The following XKR4 variants were observed in gnomAD, a reference collection of about 807,000 sequenced individuals.
XKR4 encodes XK related 4.
XKR4 carries 12 observed loss-of-function variants against 53.9 expected under a neutral mutation model. That is an observed-to-expected ratio of 0.22 (90% confidence interval 0.14 to 0.36). The LOEUF is 0.36. XKR4 is among the 10% of genes least tolerant of loss of function. XKR4 has a pLI of 1.00. For synonymous variants in XKR4, 354 were observed against 362.4 expected, an observed-to-expected ratio of 0.98 and a Z score of 0.26; for missense variants, 799 against 859.5, an observed-to-expected ratio of 0.93 and a Z score of 0.88.
At chr8:55,370,308 G>A (rs1166731633) in intron 2 of XKR4, among the ~76,000 whole-genome samples, 1 of 152,172 alleles carries the variant, frequency 6.6e-6, no homozygotes, top group Non-Finnish European at 1.5e-5. Context: ...TGAGAATGGG[G>A]CAAATCCGTT....
intron 2 of XKR4, among the ~76,000 whole-genome samples, chr8:55,411,872 G>A (rs936597417): frequency 1.3e-5 from 2 of 152,168 alleles, no homozygotes; most frequent in African/African-American, 2.4e-5. Context: ...GGACAGTGAC[G>A]AGAAATCCTG....
intron 1 of XKR4, among the ~76,000 whole-genome samples, chr8:55,206,303 G>A (rs753485737): frequency 6.6e-6 from 1 of 152,104 alleles, no homozygotes; most frequent in Non-Finnish European, 1.5e-5. Context: ...TGATTGGTCC[G>A]TTTTTACAGA....
intron 2 of XKR4, among the ~76,000 whole-genome samples, chr8:55,382,024 T>C (rs1359470797): frequency 2.0e-5 from 3 of 152,196 alleles, no homozygotes. Flanking sequence ...CTAAAGCTTC[T>C]CCCAAAAAAT....
At chr8:55,445,620 TAA>T (rs925983677) in intron 2 of XKR4, among the ~76,000 whole-genome samples, 2 of 151,754 alleles carry the variant, frequency 1.3e-5, no homozygotes, top group Non-Finnish European at 2.9e-5. Context: ...CATGAACAGA[TAA>T]AAGTGGTTTC....
intron 1 of XKR4, among the ~76,000 whole-genome samples, chr8:55,160,667 ATTG>A (rs1336499924): frequency 2.6e-5 from 4 of 152,126 alleles, no homozygotes; most frequent in African/African-American, 7.2e-5. Context: ...TTTCATTTTC[ATTG>A]TTGTTATATT....
At position 55,455,065 on chromosome 8, in the gene XKR4, G is replaced by T. The variant is rs1378681277; in HGVS notation, c.1007-68216G>T. The stretch of plus-strand genomic sequence containing the variant: ...TCTCCGGGAAGAACTGCAGAATCTG[G>T]CCCTGGCCTTTCCCACTCCCGCGCG... On this transcript the variant is annotated intron_variant, in intron 2 of 2. Transcript: ENST00000327381. The T allele has an allele frequency of 7.0e-6, 5 of 715,274 alleles. No individual in the cohort carries two copies. The East Asian group carries it at 1.3e-4, about 18-fold the overall frequency. The allele number at this position is 715,274 out of a possible 1,614,324, so 44.3% of individuals were successfully genotyped here.
chr8:55,138,534 T>C (rs1816661152), intron 1 of XKR4, among the ~76,000 whole-genome samples: 1 of 152,254 alleles, frequency 6.6e-6, no homozygotes, highest in East Asian at 1.9e-4. Context: ...CAGTGGTTGC[T>C]AAAGAGCACT....
rs1807074413 is a variant in XKR4 at position 55,539,641 on chromosome 8, A to T, written c.*15414A>T. ...AGTATTGTTTTTCTGGACTAATACT[A>T]TGAGAATAGTAAGTGAGTCAAAAAA... is the stretch of plus-strand genomic sequence containing the variant. On this transcript the variant is annotated 3_prime_UTR_variant, in exon 3 of 3. Coordinates refer to ENST00000327381, the MANE Select transcript of XKR4 (RefSeq NM_052898.2). The T allele has an allele frequency of 6.6e-6, 1 of 152,176 alleles. No individual in the cohort carries two copies. Among genetic ancestry groups the T allele is most frequent in the African/African-American group, 2.4e-5 (1 of 41,432 alleles). 9.4% of individuals were successfully genotyped at this position (152,176 alleles called of 1,614,324 possible).
chr8:55,360,363 C>A (rs1803882559), intron 2 of XKR4, among the ~76,000 whole-genome samples: 1 of 152,178 alleles, frequency 6.6e-6, no homozygotes, highest in South Asian at 2.1e-4. Flanking sequence ...GATAGATGAT[C>A]CCACTTACAA....
At chr8:55,206,917 C>G (rs886385247) in intron 1 of XKR4, among the ~76,000 whole-genome samples, 1 of 152,210 alleles carries the variant, frequency 6.6e-6, no homozygotes, top group African/African-American at 2.4e-5. Flanking sequence ...ATTGGAAACC[C>G]TCTCATTCAG....
intron 2 of XKR4, among the ~76,000 whole-genome samples, chr8:55,368,128 T>C (rs1351224784): frequency 1.3e-5 from 2 of 151,988 alleles, no homozygotes; most frequent in Admixed American, 6.6e-5. Context: ...ACCCAGCTAA[T>C]TTTTGTATTT....
At chr8:55,158,118 CT>C (rs1816934201) in intron 1 of XKR4, among the ~76,000 whole-genome samples, 1 of 152,090 alleles carries the variant, frequency 6.6e-6, no homozygotes, top group Non-Finnish European at 1.5e-5. Flanking sequence ...GGCTGAACTC[CT>C]CACTGGCAGT....
At chr8:55,335,076 A>G (rs535456499) in intron 1 of XKR4, among the ~76,000 whole-genome samples, 2 of 152,316 alleles carry the variant, frequency 1.3e-5, no homozygotes, top group East Asian at 3.9e-4. Flanking sequence ...TTTAGACAAC[A>G]TAGGGCCTGG....
intron 2 of XKR4, among the ~76,000 whole-genome samples, chr8:55,381,384 T>C (rs1399360744): frequency 6.6e-6 from 1 of 152,146 alleles, no homozygotes; most frequent in Admixed American, 6.5e-5. Flanking sequence ...GCTCACACAA[T>C]TATGGAGGCT....
At chr8:55,494,852 C>T (rs564620439) in intron 2 of XKR4, among the ~76,000 whole-genome samples, 18 of 152,178 alleles carry the variant, frequency 1.2e-4, no homozygotes, top group Admixed American at 2.6e-4. Flanking sequence ...AAAAGCACTA[C>T]AAGTTCCCCC....
At chr8:55,377,941 A>G (rs904385921) in intron 2 of XKR4, among the ~76,000 whole-genome samples, 1 of 152,206 alleles carries the variant, frequency 6.6e-6, no homozygotes, top group Admixed American at 6.5e-5. Context: ...AGAATTTGTG[A>G]GGAAGATTGT....
chr8:55,364,144 G>C (rs1325393007), intron 2 of XKR4, among the ~76,000 whole-genome samples: 1 of 152,170 alleles, frequency 6.6e-6, no homozygotes, highest in Non-Finnish European at 1.5e-5. Context: ...GCCTCTGCCT[G>C]AGCAGCCGTG....
rs1554516151 is a variant in XKR4 at position 55,289,677 on chromosome 8, G to GAGAAAGAAAGAA, written c.807-67993_807-67982dup. Among the ~76,000 whole-genome samples, 564 of 125,112 alleles carry GAGAAAGAAAGAA rather than the reference G, an allele frequency of 4.5e-3. 14 individuals are homozygous for GAGAAAGAAAGAA. The highest frequency in any genetic ancestry group is 9.0e-3 in the East Asian group (38 of 4,232). 82.1% of individuals were successfully genotyped at this position (125,112 alleles called of 152,430 possible). A position where few individuals can be genotyped will look rare whatever the true frequency, so the allele number is the denominator to read the frequency against. The stretch of plus-strand genomic sequence containing the variant: ...AGGAAGGAAAAGAAAAGAAAAGAAA[G>GAGAAAGAAAGAA]AGAAAGAAAGAAAGAAAGAGAAAGA... On this transcript the variant is annotated intron_variant, in intron 1 of 2. Coordinates refer to ENST00000327381, the MANE Select transcript of XKR4 (RefSeq NM_052898.2).
intron 1 of XKR4, among the ~76,000 whole-genome samples, chr8:55,252,741 T>C (rs1445004217): frequency 6.6e-6 from 1 of 152,234 alleles, no homozygotes; most frequent in East Asian, 1.9e-4. Context: ...CTTTCTGATG[T>C]GTCAGTCCAT....
Sources: allele counts gnomAD v4.1 joint callset (sites outside exome capture counted in the v4.1 genomes callset), GRCh38; gene constraint gnomAD v4.1.1; transcripts MANE v1.5; gene names NCBI Gene and HGNC (gene_info 2026-07-23, HGNC 2026-07-21).